The following TLK1 variants were observed in gnomAD, a reference collection of about 807,000 sequenced individuals.
TLK1 encodes the protein serine/threonine-protein kinase tousled-like 1.
Under a neutral mutation model 105.3 loss-of-function variants are expected in TLK1, and 24 were observed. The ratio of observed to expected loss-of-function variants is 0.23; its 90% CI spans 0.17 to 0.32. The LOEUF is 0.32. Among genes scored for constraint, TLK1 ranks in the 10% least tolerant of loss-of-function variants. The pLI is 1.00. For missense variants in TLK1, 558 were observed against 910.5 expected (o/e 0.61, Z 4.98); for synonymous variants, 321 against 310.4 (o/e 1.03, Z -0.36).
chr2:171,179,445 C>A (rs1461504701), intron 1 of TLK1, among the ~76,000 whole-genome samples: 2 of 152,130 alleles, frequency 1.3e-5, no homozygotes, highest in African/African-American at 4.8e-5. Context: ...TATTTGTCCT[C>A]TAGAGAGCTT....
intron 1 of TLK1, among the ~76,000 whole-genome samples, chr2:171,192,484 C>T (rs942711259): frequency 2.6e-5 from 4 of 152,034 alleles, no homozygotes; most frequent in Non-Finnish European, 5.9e-5. Context: ...TCAAGACCAT[C>T]GTGGCTAACA....
chr2:171,012,966 CG>C (rs1411637482), intron 13 of TLK1, among the ~76,000 whole-genome samples: 2 of 151,540 alleles, frequency 1.3e-5, no homozygotes, highest in Non-Finnish European at 2.9e-5. Flanking sequence ...ATGTAATTTT[CG>C]GAACAGTTAG....
intron 1 of TLK1, chr2:171,155,793 T>C (rs1325895274): frequency 3.3e-5 from 5 of 152,210 alleles, no homozygotes; most frequent in Admixed American, 6.5e-5. Context: ...CTAGTTGTCA[T>C]ACAGTTCTTA....
chr2:171,187,096 G>A (rs139983242), intron 1 of TLK1, among the ~76,000 whole-genome samples: 10,353 of 115,154 alleles, frequency 0.09, 968 homozygotes, highest in East Asian at 0.3. Context: ...AAAAGAAAAA[G>A]AAAAAGAAAA....
intron 12 of TLK1, among the ~76,000 whole-genome samples, chr2:171,023,300 T>C (rs563353135): frequency 1.3e-5 from 2 of 152,170 alleles, no homozygotes; most frequent in Non-Finnish European, 2.9e-5. Flanking sequence ...GATACATTTG[T>C]GTTGGTGCTG....
intron 11 of TLK1, among the ~76,000 whole-genome samples, chr2:171,034,654 G>A (rs1018891485): frequency 6.6e-6 from 1 of 152,140 alleles, no homozygotes; most frequent in Non-Finnish European, 1.5e-5. Flanking sequence ...TTTGAAACTA[G>A]AGAGAAGTGA....
intron 2 of TLK1, among the ~76,000 whole-genome samples, chr2:171,105,809 T>TA (rs965297872): frequency 7.3e-5 from 11 of 151,090 alleles, no homozygotes; most frequent in Non-Finnish European, 1.0e-4. Flanking sequence ...GGAGGCTCCT[T>TA]AAAAAAAAAG....
chr2:171,119,086 T>C (rs1690549116), intron 1 of TLK1, among the ~76,000 whole-genome samples: 1 of 152,214 alleles, frequency 6.6e-6, no homozygotes, highest in Non-Finnish European at 1.5e-5. Flanking sequence ...ACAAGTACCC[T>C]ACCTCTCTGG....
rs541722234 is a variant in TLK1 at position 171,106,457 on chromosome 2, T to C, written c.258+11282A>G. On this transcript the variant is annotated intron_variant, in intron 2 of 20. Coordinates refer to ENST00000431350, the MANE Select transcript of TLK1 (RefSeq NM_012290.5). ...AATATCACACTGTACTCCATAAATATGTACAATTACTCTATCAATTAAAAA... is the reference window on the plus strand; with the variant it reads ...AATATCACACTGTACTCCATAAATACGTACAATTACTCTATCAATTAAAAA... Among the ~76,000 whole-genome samples, 7 of 152,290 alleles carry C rather than the reference T, an allele frequency of 4.6e-5. No homozygotes were observed. In the East Asian group the frequency reaches 1.2e-3, roughly 25 times the overall value.
At chr2:171,223,172 G>T (rs1194967906) in intron 1 of TLK1, among the ~76,000 whole-genome samples, 1 of 152,172 alleles carries the variant, frequency 6.6e-6, no homozygotes, top group African/African-American at 2.4e-5. Context: ...CCAGAAGTGG[G>T]ATTGCTGGAT....
intron 7 of TLK1, chr2:171,054,295 C>G (rs1027651816): frequency 1.3e-5 from 2 of 152,336 alleles, no homozygotes; most frequent in Admixed American, 1.3e-4. Context: ...AAAATCTACT[C>G]TCTTAGCAAT....
chr2:171,132,945 A>G (rs1691162329), intron 1 of TLK1, among the ~76,000 whole-genome samples: 2 of 152,344 alleles, frequency 1.3e-5, no homozygotes, highest in South Asian at 4.1e-4. Context: ...TTATTTGTAA[A>G]ATGAGAATAA....
At chr2:171,119,656 A>C (rs932866418) in intron 1 of TLK1, among the ~76,000 whole-genome samples, 2 of 152,246 alleles carry the variant, frequency 1.3e-5, no homozygotes, top group African/African-American at 4.8e-5. Context: ...TAAAACAGGG[A>C]GACCAGAAAA....
At chr2:171,161,867 G>T (rs1692511198), upstream of TLK1, among the ~76,000 whole-genome samples, 2 of 151,894 alleles carry the variant, frequency 1.3e-5, no homozygotes. Context: ...ACATAAAAGA[G>T]CACTCTAGTT....
At chr2:171,185,910 GTATATCT>G (rs1451006042) in intron 1 of TLK1, among the ~76,000 whole-genome samples, 1 of 152,182 alleles carries the variant, frequency 6.6e-6, no homozygotes, top group Non-Finnish European at 1.5e-5. Context: ...GAACGAAGTG[GTATATCT>G]TATTAAAACC....
intron 1 of TLK1, among the ~76,000 whole-genome samples, chr2:171,201,026 T>G (rs1282665366): frequency 6.6e-6 from 1 of 151,738 alleles, no homozygotes; most frequent in African/African-American, 2.4e-5. Context: ...GGAATTCAGG[T>G]GCATGCTAAC....
intron 14 of TLK1, among the ~76,000 whole-genome samples, chr2:171,009,379 C>T (rs1312146325): frequency 7.1e-6 from 1 of 141,734 alleles, no homozygotes; most frequent in Non-Finnish European, 1.5e-5. Context: ...TCTTGGCTCA[C>T]TGCAACCTCC....
intron 1 of TLK1, among the ~76,000 whole-genome samples, chr2:171,128,819 G>T (rs571640826): frequency 6.6e-6 from 1 of 152,000 alleles, no homozygotes; most frequent in Admixed American, 6.5e-5. Flanking sequence ...TTTTATACTA[G>T]ACTGCATTTC....
At chr2:171,039,692 G>A (rs899186812) in intron 11 of TLK1, among the ~76,000 whole-genome samples, 1 of 152,122 alleles carries the variant, frequency 6.6e-6, no homozygotes, top group Non-Finnish European at 1.5e-5. Context: ...CTGCATTCAG[G>A]ATTGTTTCTC....
Sources: allele counts gnomAD v4.1 joint callset (sites outside exome capture counted in the v4.1 genomes callset), GRCh38; gene constraint gnomAD v4.1.1; transcripts MANE v1.5; gene names NCBI Gene and HGNC (gene_info 2026-07-23, HGNC 2026-07-21).